STYX: variants seen among roughly 807,000 people sequenced by gnomAD.
The protein encoded by STYX is serine/threonine/tyrosine interacting protein.
STYX carries 20 observed loss-of-function variants against 42.7 expected under a neutral mutation model. That is an observed-to-expected ratio of 0.47 (90% CI 0.33 to 0.68). The LOEUF is 0.68. Ranked by LOEUF, STYX falls within the 30% of genes least tolerant of loss-of-function variation. STYX has a pLI of 0.02. For synonymous variants in STYX, 78 were observed against 81.9 expected (o/e 0.95, Z 0.26); for missense variants, 226 against 268.5 (o/e 0.84, Z 1.11).
Position 52,771,071 on chromosome 14 carries a change from G to A in STYX, c.637G>A (p.Gly213Arg). The A allele has an allele frequency of 6.2e-7, 1 of 1,612,946 alleles. No homozygotes were observed. The highest frequency in any genetic ancestry group is 1.3e-5 in the African/African-American group (1 of 74,996). The part of the protein sequence containing the change: ...KRTHEEEDDF[G>R]TMQVATAQNG The stretch of plus-strand genomic sequence containing the variant: ...AACACATGAAGAAGAGGATGATTTT[G>A]GAACCATGCAAGTGGCGACTGCACA... Residue 213 changes from glycine to arginine, a missense_variant, in exon 11 of 11, where the codon GGA (glycine) becomes AGA (arginine). By Grantham distance (125) the Gly-to-Arg change is moderately radical. Transcript: ENST00000354586.
At chr14:52,760,001 C>T (rs546105366) in intron 9 of STYX, among the ~76,000 whole-genome samples, 1 of 151,910 alleles carries the variant, frequency 6.6e-6, no homozygotes, top group Non-Finnish European at 1.5e-5. Flanking sequence ...AGTATGAGAT[C>T]AGCCTGAGCA....
chr14:52,732,439 ATTTTTT>A (rs1055903181), intron 1 of STYX, among the ~76,000 whole-genome samples: 1 of 151,182 alleles, frequency 6.6e-6, no homozygotes, highest in African/African-American at 2.4e-5. Context: ...CACCGGGCTA[ATTTTTT>A]TGTATTTTTA....
Position 52,759,747 on chromosome 14 carries a change from A to G in STYX, c.497A>G (p.Gln166Arg). ...CINPNAGFVH[Q>R]LQEYEAIYLA... ...AATCCTAATGCTGGATTTGTCCATCAACTTCAGGTAACTTTTCTTCCTCTT... is the reference window on the plus strand; with the variant it reads ...AATCCTAATGCTGGATTTGTCCATCGACTTCAGGTAACTTTTCTTCCTCTT... The change falls in exon 9 of 11, where the codon CAA (glutamine) becomes CGA (arginine). Residue 166 changes from glutamine to arginine, a missense_variant. Transcript: ENST00000354586. 6.2e-7 allele frequency: 1 copy of G among 1,605,948 alleles called. No homozygotes were observed. The highest frequency in any genetic ancestry group is 1.1e-5 in the South Asian group (1 of 90,548).
chr14:52,772,371 G>C lies in STYX; in HGVS notation c.*1265G>C, dbSNP rs1299964585. The C allele has an allele frequency of 6.6e-6, 1 of 152,400 alleles. No homozygotes were observed. The highest frequency in any genetic ancestry group is 1.5e-5 in the Non-Finnish European group (1 of 67,978). The allele number at this position is 152,400 out of a possible 1,614,324, so 9.4% of individuals were successfully genotyped here. A position where few individuals can be genotyped will look rare whatever the true frequency, so the allele number is the denominator to read the frequency against. On this transcript the variant is annotated 3_prime_UTR_variant, in exon 11 of 11. Coordinates refer to ENST00000354586, the MANE Select transcript of STYX (RefSeq NM_145251.4). ...CCATTCTTGACATTCAGTTAGTCCAGATCTGCCCCATAATTTGCTTTAGTA... is the reference window on the plus strand; with the variant it reads ...CCATTCTTGACATTCAGTTAGTCCACATCTGCCCCATAATTTGCTTTAGTA...
At chr14:52,754,449 G>A (rs533624823) in intron 4 of STYX, among the ~76,000 whole-genome samples, 2 of 150,174 alleles carry the variant, frequency 1.3e-5, no homozygotes, top group East Asian at 2.0e-4. Flanking sequence ...CTGAGCTTAA[G>A]CGATCTACCC....
At position 52,756,624 on chromosome 14, in the gene STYX, AT is replaced by A; in HGVS notation, c.303+19del. On this transcript the variant is annotated intron_variant, in intron 5 of 10. Transcript: ENST00000354586. ...TTTTTTCCCTATGGTAGGTACCAGT[AT>A]TTTTTAAATATCATTTAAAATTTAT... 2.7e-6 allele frequency: 3 copies of A among 1,099,398 alleles called. No individual in the cohort carries two copies. The highest frequency in any genetic ancestry group is 1.6e-5 in the South Asian group (1 of 62,014). 68.1% of individuals were successfully genotyped at this position (1,099,398 alleles called of 1,614,324 possible).
intron 1 of STYX, among the ~76,000 whole-genome samples, chr14:52,743,705 T>TA (rs922892629): frequency 6.6e-6 from 1 of 152,184 alleles, no homozygotes. Context: ...AATAAAAGGT[T>TA]AAAAAAATAT....
At chr14:52,769,341 C>A (rs1882427548) in intron 10 of STYX, among the ~76,000 whole-genome samples, 1 of 152,100 alleles carries the variant, frequency 6.6e-6, no homozygotes, top group African/African-American at 2.4e-5. Flanking sequence ...TCCAAGCATG[C>A]TCTTAAAATC....
At chr14:52,730,753 G>A (rs1880666116) in intron 1 of STYX, among the ~76,000 whole-genome samples, 1 of 152,228 alleles carries the variant, frequency 6.6e-6, no homozygotes, top group South Asian at 2.1e-4. Flanking sequence ...TTACATTTGA[G>A]AAGAGGAAAA....
chr14:52,767,301 A>T (rs1229976520), intron 9 of STYX, among the ~76,000 whole-genome samples: 3 of 152,174 alleles, frequency 2.0e-5, no homozygotes, highest in Non-Finnish European at 2.9e-5. Flanking sequence ...TCACCTGCCA[A>T]AGTCCCCACA....
chr14:52,762,882 CTTTT>C (rs869029320), intron 9 of STYX, among the ~76,000 whole-genome samples: 13 of 26,844 alleles, frequency 4.8e-4, no homozygotes, highest in South Asian at 1.7e-3. Flanking sequence ...TTCTTTCTTT[CTTTT>C]TTTTTTTTTT....
intron 1 of STYX, among the ~76,000 whole-genome samples, chr14:52,732,527 C>T (rs986140562): frequency 6.6e-5 from 10 of 151,870 alleles, no homozygotes; most frequent in Admixed American, 6.6e-4. Context: ...CCTGGCTTGG[C>T]CTCCCAAAGT....
intron 10 of STYX, among the ~76,000 whole-genome samples, chr14:52,770,528 C>T (rs1398211527): frequency 6.6e-6 from 1 of 152,080 alleles, no homozygotes; most frequent in Non-Finnish European, 1.5e-5. Context: ...AAAAGAAAAT[C>T]TCTTTATATG....
chr14:52,741,538 A>G (rs1026391070), intron 1 of STYX, among the ~76,000 whole-genome samples: 12 of 151,998 alleles, frequency 7.9e-5, no homozygotes, highest in Admixed American at 3.3e-4. Context: ...CCCAGATTCA[A>G]GCAACTCTCC....
Position 52,757,935 on chromosome 14 carries a change from A to T in STYX, c.431+11A>T. ...TGGAATGAAGTACAGGTAAGAAAAT[A>T]CCCTAAAACCTAGCCACAGTTTAAA... On this transcript the variant is annotated intron_variant, in intron 8 of 10. Transcript: ENST00000354586. 6.2e-7 allele frequency: 1 copy of T among 1,610,152 alleles called. No individual in the cohort carries two copies.
intron 6 of STYX, 143 bp downstream of exon 6, chr14:52,757,498 C>A: frequency 1.2e-6 from 1 of 864,636 alleles, no homozygotes; most frequent in Non-Finnish European, 1.8e-6. Flanking sequence ...TTCCCAATTA[C>A]TTGTTTCATT....
At position 52,750,184 on chromosome 14, in the gene STYX, G is replaced by A. The variant is rs992923671; in HGVS notation, c.145-499G>A. Among the ~76,000 whole-genome samples, 3 of 152,148 alleles carry A rather than the reference G, an allele frequency of 2.0e-5. No homozygotes were observed. The East Asian group carries it at 5.8e-4, about 29-fold the overall frequency. On this transcript the variant is annotated intron_variant, in intron 3 of 10. Transcript: ENST00000354586. ...TGGTAAAAGGTTAATTAGATTCTGT[G>A]AAGTATGTAAATTAATTCTGACTCT... is the stretch of plus-strand genomic sequence containing the variant.
intron 4 of STYX, among the ~76,000 whole-genome samples, chr14:52,754,024 A>G (rs1323782492): frequency 1.3e-5 from 2 of 149,624 alleles, no homozygotes; most frequent in African/African-American, 4.9e-5. Context: ...TGAGTAGCAG[A>G]GATTACAGGC....
In STYX at chr14:52,765,497, G is replaced by T. The variant is rs764172385; in HGVS notation, c.505-3343G>T. Among the ~76,000 whole-genome samples the T allele has an allele frequency of 2.0e-5, 3 of 152,288 alleles. No homozygotes were observed. In the South Asian group the frequency reaches 6.2e-4, roughly 32 times the overall value. Reference sequence around the variant, plus strand: ...CTCCCAAAGTGTTGGGATTACAGGTGTGAGCCACCGTGCCTGGCCTAAATA... The same window carrying T: ...CTCCCAAAGTGTTGGGATTACAGGTTTGAGCCACCGTGCCTGGCCTAAATA... On this transcript the variant is annotated intron_variant, in intron 9 of 10. Coordinates refer to ENST00000354586, the MANE Select transcript of STYX (RefSeq NM_145251.4).
Sources: allele counts gnomAD v4.1 joint callset (sites outside exome capture counted in the v4.1 genomes callset), GRCh38; gene constraint gnomAD v4.1.1; transcripts MANE v1.5; gene names NCBI Gene and HGNC (gene_info 2026-07-23, HGNC 2026-07-21).